ADGRL4: variants seen among roughly 807,000 people sequenced by gnomAD.
ADGRL4 encodes EGF, latrophilin and seven transmembrane domain containing 1.
Under a neutral mutation model 74.8 loss-of-function variants are expected in ADGRL4, and 90 were observed. The observed-to-expected ratio is 1.20, with a 90% CI of 1.02 to 1.43. The LOEUF (loss-of-function observed/expected upper bound fraction) is 1.43. ADGRL4 is among the 40% of genes most tolerant of loss of function. ADGRL4 has a pLI of 0.00. For synonymous variants in ADGRL4, 311 were observed against 279.2 expected (o/e 1.11, Z -1.14); for missense variants, 881 against 814.3 (o/e 1.08, Z -1.00).
At chr1:78,945,180 AT>A (rs1649572460) in intron 3 of ADGRL4, among the ~76,000 whole-genome samples, 1 of 121,148 alleles carries the variant, frequency 8.3e-6, no homozygotes, top group African/African-American at 3.0e-5. Context: ...AAAAAAAAAT[AT>A]ATATATATAT....
intron 2 of ADGRL4, among the ~76,000 whole-genome samples, chr1:78,978,360 A>G (rs1297750811): frequency 6.6e-6 from 1 of 151,942 alleles, no homozygotes; most frequent in East Asian, 1.9e-4. Context: ...TTTGTTTTGT[A>G]AATGTATTGT....
chr1:78,972,849 G>T (rs1650196237), intron 2 of ADGRL4, among the ~76,000 whole-genome samples: 1 of 152,128 alleles, frequency 6.6e-6, no homozygotes, highest in African/African-American at 2.4e-5. Flanking sequence ...TGTTCCATCT[G>T]TTGTTGCTGC....
intron 12 of ADGRL4, among the ~76,000 whole-genome samples, chr1:78,917,317 T>A (rs1648895619): frequency 6.6e-6 from 1 of 151,750 alleles, no homozygotes; most frequent in South Asian, 2.1e-4. Context: ...TATGCAGACA[T>A]CTATACTCCA....
In ADGRL4 at chr1:78,917,885, C is replaced by G. The variant is rs376795583; in HGVS notation, c.1627G>C (p.Val543Leu). ...FYIFGYLSPAVVVGFSAALGY... is the reference protein window; with the variant it reads ...FYIFGYLSPALVVGFSAALGY... ...AGTGCTGCCGAAAATCCAACTACCACGGCTGGGCTTAGATAGCCAAAGATA... is the reference window on the plus strand; with the variant it reads ...AGTGCTGCCGAAAATCCAACTACCAGGGCTGGGCTTAGATAGCCAAAGATA... The change falls in exon 11 of 15, where the codon GTG becomes CTG. Residue 543 changes from valine (V) to leucine (L), a missense_variant. Coordinates refer to ENST00000370742, the MANE Select transcript of ADGRL4 (RefSeq NM_022159.4). 1 of 1,612,514 alleles carries G rather than the reference C, an allele frequency of 6.2e-7. No individual in the cohort carries two copies. The highest frequency in any genetic ancestry group is 8.5e-7 in the Non-Finnish European group (1 of 1,179,096).
At position 78,936,178 on chromosome 1, in the gene ADGRL4, A is replaced by G. The variant is rs1479347961; in HGVS notation, c.877+117T>C. ...TGGATATTCTGTATACTGTACATAC[A>G]TCAAATGTTTTTATAGGAAACCACA... On this transcript the variant is annotated intron_variant, in intron 7 of 14. Coordinates refer to ENST00000370742, the MANE Select transcript of ADGRL4 (RefSeq NM_022159.4). The G allele has an allele frequency of 4.7e-6, 5 of 1,057,934 alleles. No individual in the cohort carries two copies. The Admixed American group carries it at 1.3e-4, about 28-fold the overall frequency. The allele number at this position is 1,057,934 out of a possible 1,614,324, so 65.5% of individuals were successfully genotyped here.
chr1:78,927,335 A>C (rs915093229), intron 7 of ADGRL4, among the ~76,000 whole-genome samples: 1 of 152,088 alleles, frequency 6.6e-6, no homozygotes, highest in African/African-American at 2.4e-5. Flanking sequence ...CTTTGCACAA[A>C]CTATCTTTAG....
intron 7 of ADGRL4, among the ~76,000 whole-genome samples, chr1:78,929,093 A>G (rs1649183039): frequency 6.6e-6 from 1 of 151,554 alleles, no homozygotes; most frequent in Non-Finnish European, 1.5e-5. Context: ...AAGTATGTGA[A>G]ATCTCTTAAC....
intron 8 of ADGRL4, among the ~76,000 whole-genome samples, chr1:78,923,407 C>A (rs975386603): frequency 6.6e-6 from 1 of 152,008 alleles, no homozygotes; most frequent in Non-Finnish European, 1.5e-5. Context: ...TACTGACATT[C>A]GGGATCTTCC....
intron 12 of ADGRL4, among the ~76,000 whole-genome samples, chr1:78,911,887 A>G (rs1271388621): frequency 6.6e-6 from 1 of 151,798 alleles, no homozygotes; most frequent in Non-Finnish European, 1.5e-5. Context: ...CATATTAGGA[A>G]CCCAAGGCTA....
chr1:79,004,074 T>C (rs1557527621), intron 2 of ADGRL4, among the ~76,000 whole-genome samples: 1 of 152,092 alleles, frequency 6.6e-6, no homozygotes, highest in East Asian at 1.9e-4. Flanking sequence ...AGAGCCTATA[T>C]AATTCAATCA....
chr1:78,935,580 A>G (rs1649336513), intron 7 of ADGRL4, among the ~76,000 whole-genome samples: 1 of 152,072 alleles, frequency 6.6e-6, no homozygotes, highest in South Asian at 2.1e-4. Context: ...TTTCTTCCTC[A>G]CACAATCACA....
intron 12 of ADGRL4, among the ~76,000 whole-genome samples, chr1:78,904,279 C>T (rs937120991): frequency 6.6e-6 from 1 of 151,890 alleles, no homozygotes; most frequent in Non-Finnish European, 1.5e-5. Context: ...GAGGTTGCAG[C>T]TCCCTGATAG....
chr1:78,907,605 T>C (rs1479891487), intron 12 of ADGRL4, among the ~76,000 whole-genome samples: 2 of 151,978 alleles, frequency 1.3e-5, no homozygotes, highest in Admixed American at 6.6e-5. Flanking sequence ...ATGAGACTTA[T>C]TATGGACTAA....
At chr1:78,956,333 T>C (rs1018335011) in intron 2 of ADGRL4, among the ~76,000 whole-genome samples, 1 of 152,166 alleles carries the variant, frequency 6.6e-6, no homozygotes, top group Non-Finnish European at 1.5e-5. Context: ...GAAGCCTACA[T>C]TGGTTATGTC....
At chr1:78,898,711 G>A (rs1364250700) in intron 12 of ADGRL4, among the ~76,000 whole-genome samples, 1 of 152,108 alleles carries the variant, frequency 6.6e-6, no homozygotes, top group Admixed American at 6.6e-5. Flanking sequence ...TTGAGATAAA[G>A]CAATATTTTA....
At chr1:78,928,414 TAACA>T (rs1253347399) in intron 7 of ADGRL4, among the ~76,000 whole-genome samples, 3 of 151,526 alleles carry the variant, frequency 2.0e-5, no homozygotes, top group African/African-American at 4.9e-5. Context: ...TGAATTTTCT[TAACA>T]AACCTGTACT....
intron 2 of ADGRL4, among the ~76,000 whole-genome samples, chr1:78,960,964 G>A (rs141316713): frequency 6.6e-6 from 1 of 152,072 alleles, no homozygotes; most frequent in African/African-American, 2.4e-5. Flanking sequence ...CAAATCTATA[G>A]TAAGAAATGC....
At chr1:78,924,788 C>G (rs1299020985) in intron 8 of ADGRL4, among the ~76,000 whole-genome samples, 7 of 152,050 alleles carry the variant, frequency 4.6e-5, no homozygotes, top group Non-Finnish European at 7.4e-5. Flanking sequence ...GTATTATAAA[C>G]ACTGAAAACT....
intron 2 of ADGRL4, among the ~76,000 whole-genome samples, chr1:78,987,048 G>T (rs112113907): frequency 6.6e-6 from 1 of 151,702 alleles, no homozygotes; most frequent in Admixed American, 6.6e-5. Flanking sequence ...AGATGTCAGT[G>T]CTATTTTAAG....
Sources: gnomAD v4.1 joint callset for allele counts (sites outside exome capture counted in the v4.1 genomes callset) on GRCh38, gnomAD v4.1.1 for gene constraint, MANE v1.5 for transcripts, NCBI Gene and HGNC (gene_info 2026-07-23, HGNC 2026-07-21) for gene names.